The following ABCA13 variants were observed in gnomAD, a reference collection of about 807,000 sequenced individuals.
ABCA13 encodes the protein ATP binding cassette subfamily A member 13.
Under a neutral mutation model 478.7 loss-of-function variants are expected in ABCA13, and 476 were observed. That is an observed-to-expected ratio of 0.99 (90% CI 0.92 to 1.07). ABCA13 has a LOEUF of 1.07. Among genes scored for constraint, ABCA13 ranks in the 50% least tolerant of loss-of-function variants. ABCA13 has a pLI of 0.00. For synonymous variants in ABCA13, 2,252 were observed against 2,158.9 expected, an observed-to-expected ratio of 1.04 and a Z score of -1.20; for missense variants, 6,060 against 5,910.6, an observed-to-expected ratio of 1.03 and a Z score of -0.83.
intron 27 of ABCA13, among the ~76,000 whole-genome samples, chr7:48,334,921 A>G (rs1262845538): frequency 6.6e-6 from 1 of 152,238 alleles, no homozygotes; most frequent in Non-Finnish European, 1.5e-5. Flanking sequence ...AGAGTAAAGC[A>G]TGTGCATTTG....
chr7:48,513,070 G>A (rs1831829876), intron 51 of ABCA13, among the ~76,000 whole-genome samples: 1 of 152,214 alleles, frequency 6.6e-6, no homozygotes, highest in Non-Finnish European at 1.5e-5. Flanking sequence ...TGTAACAGGA[G>A]GGGCAGTGAG....
chr7:48,280,361 G>C (rs1796872430), intron 18 of ABCA13, among the ~76,000 whole-genome samples: 2 of 152,138 alleles, frequency 1.3e-5, no homozygotes, highest in Non-Finnish European at 2.9e-5. Context: ...GCAGCTGCTG[G>C]CTTCTGCCCT....
intron 55 of ABCA13, among the ~76,000 whole-genome samples, chr7:48,529,285 C>T (rs1179330644): frequency 6.6e-6 from 1 of 152,172 alleles, no homozygotes. Flanking sequence ...AATCTTAGAC[C>T]TTTAATTTCA....
At chr7:48,403,126 G>C (rs945400731) in intron 38 of ABCA13, among the ~76,000 whole-genome samples, 1 of 152,220 alleles carries the variant, frequency 6.6e-6, no homozygotes, top group Admixed American at 6.5e-5. Flanking sequence ...CCCTGCAACG[G>C]AACAGGACAC....
chr7:48,532,904 G>A lies in ABCA13; in HGVS notation c.14354+4559G>A, dbSNP rs183816090. ...TTGAATCTTCTCTCTTCTTTTCTTGGTTAATCTTGCTAATGGTCTATCAAT... is the reference window on the plus strand; with the variant it reads ...TTGAATCTTCTCTCTTCTTTTCTTGATTAATCTTGCTAATGGTCTATCAAT... On this transcript the variant is annotated intron_variant, in intron 55 of 61. Transcript: ENST00000435803. Among the ~76,000 whole-genome samples, 805 of 151,558 alleles carry A rather than the reference G, an allele frequency of 5.3e-3. 6 individuals are homozygous for A. Among genetic ancestry groups the A allele is most frequent in the African/African-American group, 0.018 (757 of 41,358 alleles).
chr7:48,504,973 A>G (rs1222651174), intron 48 of ABCA13, among the ~76,000 whole-genome samples: 1 of 152,198 alleles, frequency 6.6e-6, no homozygotes, highest in Non-Finnish European at 1.5e-5. Context: ...TGGTCCAGAC[A>G]GGTGAGGGAT....
At chr7:48,211,917 G>A (rs1785716950) in intron 3 of ABCA13, among the ~76,000 whole-genome samples, 1 of 151,908 alleles carries the variant, frequency 6.6e-6, no homozygotes, top group Admixed American at 6.6e-5. Flanking sequence ...GCCTGGAGTT[G>A]GTGGAGGGTT....
intron 29 of ABCA13, among the ~76,000 whole-genome samples, chr7:48,341,165 T>C (rs1458691528): frequency 6.6e-6 from 1 of 152,202 alleles, no homozygotes; most frequent in Non-Finnish European, 1.5e-5. Context: ...ATTTACCATG[T>C]TTCCCTTTTC....
At chr7:48,411,027 C>CTTTCTT (rs1472664377) in intron 40 of ABCA13, among the ~76,000 whole-genome samples, 1 of 115,624 alleles carries the variant, frequency 8.6e-6, no homozygotes, top group African/African-American at 3.2e-5. Flanking sequence ...TTCTTTCTTT[C>CTTTCTT]TTTCTTTCTT....
At chr7:48,477,066 C>T (rs957701644) in intron 45 of ABCA13, among the ~76,000 whole-genome samples, 10 of 152,108 alleles carry the variant, frequency 6.6e-5, no homozygotes, top group Non-Finnish European at 1.0e-4. Context: ...TTAATAACAT[C>T]GTCAAGATAC....
At chr7:48,227,576 A>G (rs891547350) in intron 6 of ABCA13, 151 bp downstream of exon 6, 2 of 856,888 alleles carry the variant, frequency 2.3e-6, no homozygotes, top group South Asian at 3.6e-5. Context: ...CACCTCCACG[A>G]ACGTCCCTCA....
In ABCA13 at chr7:48,516,799, T is replaced by C. The variant is rs1198865031; in HGVS notation, c.13715T>C (p.Val4572Ala). 6.2e-7 allele frequency: 1 copy of C among 1,613,904 alleles called. No homozygotes were observed. Among genetic ancestry groups the C allele is most frequent in the East Asian group, 2.2e-5 (1 of 44,876 alleles). Residue 4572 changes from valine to alanine, a missense_variant, in exon 52 of 62, where the codon GTC (valine) becomes GCC (alanine). Val to Ala is a moderately conservative substitution (Grantham distance 64). This residue lies in a region of ABCA13 where 1,627 missense variants were observed against 1,571.0 expected (regional missense o/e 1.04). Coordinates refer to ENST00000435803, the MANE Select transcript of ABCA13 (RefSeq NM_152701.5). The part of the protein sequence containing the change: ...SSSDVAFISY[V>A]SLNFIFGLCT... ...TCGGACGTGGCTTTCATTTCCTATG[T>C]CTCACTAAACTTCATCTTTGGCCTT...
intron 38 of ABCA13, among the ~76,000 whole-genome samples, chr7:48,399,551 T>C (rs1375847711): frequency 6.6e-6 from 1 of 152,182 alleles, no homozygotes; most frequent in Non-Finnish European, 1.5e-5. Flanking sequence ...CTGGAGAAGA[T>C]GTGTTTGTTA....
intron 24 of ABCA13, among the ~76,000 whole-genome samples, chr7:48,311,500 C>T (rs190223972): frequency 2.4e-4 from 37 of 152,242 alleles, no homozygotes; most frequent in Non-Finnish European, 5.0e-4. Context: ...CCCATTGGCA[C>T]GATGCTACTT....
chr7:48,485,551 A>G (rs1467261674), intron 47 of ABCA13, among the ~76,000 whole-genome samples: 1 of 152,188 alleles, frequency 6.6e-6, no homozygotes, highest in Non-Finnish European at 1.5e-5. Flanking sequence ...TTATTACTTA[A>G]AGAATCTATA....
In ABCA13 at chr7:48,205,679, A is replaced by G. The variant is rs540074172; in HGVS notation, c.287+7319A>G. Among the ~76,000 whole-genome samples, 3 of 152,226 alleles carry G rather than the reference A, an allele frequency of 2.0e-5. No homozygotes were observed. The East Asian group carries it at 5.8e-4, about 29-fold the overall frequency. ...ATCTTGAGATCCTGATGCATTATTT[A>G]ATTTATTTAGGTTTTCTTTAGTGTC... On this transcript the variant is annotated intron_variant, in intron 3 of 61. Transcript: ENST00000435803.
chr7:48,432,296 T>G (rs955277912), intron 42 of ABCA13, among the ~76,000 whole-genome samples: 7 of 152,056 alleles, frequency 4.6e-5, no homozygotes, highest in African/African-American at 1.7e-4. Context: ...GTTAGAATAA[T>G]TAATATTAAA....
At chr7:48,207,218 G>T (rs1382718285) in intron 3 of ABCA13, among the ~76,000 whole-genome samples, 1 of 151,660 alleles carries the variant, frequency 6.6e-6, no homozygotes, top group Non-Finnish European at 1.5e-5. Flanking sequence ...GAACACTAAG[G>T]TTGATTCCAT....
intron 14 of ABCA13, 60 bp from the exon 15 acceptor site, chr7:48,249,152 T>A (rs1164004155): frequency 2.7e-6 from 4 of 1,470,468 alleles, no homozygotes; most frequent in Non-Finnish European, 3.7e-6. Context: ...TTTATAATGA[T>A]CTGTCATCTG....
Sources: gnomAD v4.1 joint callset for allele counts (sites outside exome capture counted in the v4.1 genomes callset) on GRCh38, gnomAD v4.1.1 for gene constraint, gnomAD v4.1.1 regional missense constraint, MANE v1.5 for transcripts, NCBI Gene and HGNC (gene_info 2026-07-23, HGNC 2026-07-21) for gene names.